ARL17B: variants seen among roughly 807,000 people sequenced by gnomAD.
ARL17B encodes ARF like GTPase 17B.
intron 4 of ARL17B, among the ~76,000 whole-genome samples, chr17:46,285,026 G>A (rs866341528): frequency 6.6e-6 from 1 of 152,110 alleles, no homozygotes; most frequent in African/African-American, 2.4e-5. Flanking sequence ...AACATGCCCA[G>A]CTAATTTTTT....
downstream of ARL17B, among the ~76,000 whole-genome samples, chr17:46,333,055 C>T (rs1245620894): frequency 3.2e-5 from 4 of 126,030 alleles, no homozygotes; most frequent in African/African-American, 8.3e-5. Context: ...TTGTCATCAC[C>T]CTGGAGAGGA....
intron 4 of ARL17B, among the ~76,000 whole-genome samples, chr17:46,278,409 T>TTTG (rs891135752): frequency 2.9e-5 from 3 of 104,866 alleles, no homozygotes; most frequent in African/African-American, 8.8e-5. Flanking sequence ...TTGTTTTTTT[T>TTTG]TTGTTGTTGT....
At chr17:46,311,324 G>T in intron 3 of ARL17B, 1 of 328,874 alleles carries the variant, frequency 3.0e-6, no homozygotes, top group Non-Finnish European at 6.7e-6. Context: ...CAAGTACATC[G>T]CGCATAGTGG....
At chr17:46,288,590 G>A (rs1255574110) in intron 4 of ARL17B, among the ~76,000 whole-genome samples, 2 of 151,218 alleles carry the variant, frequency 1.3e-5, no homozygotes, top group Non-Finnish European at 2.9e-5. Flanking sequence ...GAGCCACAGG[G>A]CCCAGCCTCT....
chr17:46,326,939 T>C (rs2051759952), intron 3 of ARL17B, among the ~76,000 whole-genome samples: 1 of 67,368 alleles, frequency 1.5e-5, no homozygotes, highest in African/African-American at 4.8e-5. Flanking sequence ...TTGCCCAAAT[T>C]TACGTATTGG....
chr17:46,282,977 G>T (rs1195359514), intron 4 of ARL17B, among the ~76,000 whole-genome samples: 2 of 151,902 alleles, frequency 1.3e-5, no homozygotes, highest in Non-Finnish European at 2.9e-5. Flanking sequence ...AAATTAGTCG[G>T]GTGTGATGGC....
At chr17:46,342,632 A>ATTTTTTT (rs748174381) in intron 3 of ARL17B, among the ~76,000 whole-genome samples, 2 of 56,244 alleles carry the variant, frequency 3.6e-5, no homozygotes, top group Non-Finnish European at 5.6e-5. Context: ...CTTAAGGACA[A>ATTTTTTT]TTTTTTTTTT....
intron 4 of ARL17B, among the ~76,000 whole-genome samples, chr17:46,279,174 T>C (rs970978987): frequency 6.7e-6 from 1 of 150,182 alleles, no homozygotes; most frequent in African/African-American, 2.4e-5. Context: ...AATAAGGCAT[T>C]CTTTTTTTTC....
chr17:46,315,681 AT>A, intron 3 of ARL17B, among the ~76,000 whole-genome samples: 1 of 49,090 alleles, frequency 2.0e-5, no homozygotes, highest in East Asian at 4.6e-4. Flanking sequence ...ATCTCTAAAA[AT>A]TTTTTTTAGT....
chr17:46,289,014 CTCAATA>C (rs2049995778), intron 4 of ARL17B, among the ~76,000 whole-genome samples: 5 of 152,232 alleles, frequency 3.3e-5, no homozygotes, highest in African/African-American at 1.2e-4. Context: ...ATACTATTGT[CTCAATA>C]TGCATTTTGC....
intron 4 of ARL17B, among the ~76,000 whole-genome samples, chr17:46,279,297 C>A (rs2049690324): frequency 6.6e-6 from 1 of 150,998 alleles, no homozygotes; most frequent in African/African-American, 2.4e-5. Flanking sequence ...AATTCACTTG[C>A]CTCAGCCTCC....
chr17:46,281,520 C>T (rs144846916), intron 4 of ARL17B, among the ~76,000 whole-genome samples: 10,014 of 136,900 alleles, frequency 0.073, no homozygotes, highest in Non-Finnish European at 0.12. Flanking sequence ...GCCTTGAACT[C>T]CTGGGCACAA....
chr17:46,300,152 C>T (rs1264044867), intron 3 of ARL17B, among the ~76,000 whole-genome samples: 5 of 58,076 alleles, frequency 8.6e-5, no homozygotes, highest in African/African-American at 2.1e-4. Context: ...CTTACTTTGT[C>T]CTCTGGGCTG....
intron 4 of ARL17B, among the ~76,000 whole-genome samples, chr17:46,284,978 C>A (rs1291789606): frequency 6.6e-6 from 1 of 152,226 alleles, no homozygotes; most frequent in Non-Finnish European, 1.5e-5. Context: ...ATCCTCTCAC[C>A]TCAGCCTCCC....
chr17:46,278,401 G>GTTT (rs1464305633), intron 4 of ARL17B, among the ~76,000 whole-genome samples: 4 of 129,626 alleles, frequency 3.1e-5, no homozygotes, highest in South Asian at 2.2e-4. Flanking sequence ...GTTTTATTTT[G>GTTT]TTTTTTTTTT....
intron 3 of ARL17B, among the ~76,000 whole-genome samples, 173 bp from the exon 4 acceptor site, chr17:46,339,947 TATGGTGGAGTCAC>T (rs912535401): frequency 1.1e-4 from 6 of 56,270 alleles, no homozygotes; most frequent in African/African-American, 4.3e-4. Flanking sequence ...GTGGGGAGTC[TATGGTGGAGTCAC>T]ATGGTGGAGA....
intron 3 of ARL17B, chr17:46,306,130 T>C: frequency 4.6e-6 from 1 of 218,964 alleles, no homozygotes; most frequent in South Asian, 5.5e-5. Context: ...AGAGAAAGGA[T>C]TGAGGTTATG....
At chr17:46,276,855 G>A (rs1256688737) in intron 4 of ARL17B, among the ~76,000 whole-genome samples, 3 of 149,166 alleles carry the variant, frequency 2.0e-5, no homozygotes, top group Non-Finnish European at 3.0e-5. Context: ...CCAGTCTGGA[G>A]TGCAGTGGCA....
chr17:46,325,593 A>C (rs1214152099), intron 3 of ARL17B, among the ~76,000 whole-genome samples: 1 of 81,692 alleles, frequency 1.2e-5, no homozygotes, highest in Admixed American at 1.3e-4. Flanking sequence ...TTGGATTCTG[A>C]ATTTTTTAAG....
Sources: allele counts gnomAD v4.1 joint callset (sites outside exome capture counted in the v4.1 genomes callset), GRCh38; gene constraint gnomAD v4.1.1; transcripts MANE v1.5; gene names NCBI Gene and HGNC (gene_info 2026-07-23, HGNC 2026-07-21).